Variants in THOP1 observed in about 807,000 individuals in gnomAD.
THOP1 encodes thimet oligopeptidase 1.
A neutral mutation model predicts 71.8 loss-of-function variants in THOP1; 49 were observed. That is an observed-to-expected ratio of 0.68 (90% CI 0.54 to 0.87). THOP1 has a LOEUF of 0.87. Ranked by LOEUF, THOP1 falls within the 40% of genes least tolerant of loss-of-function variation. The pLI is 0.00. For missense variants in THOP1, 843 were observed against 975.6 expected, an observed-to-expected ratio of 0.86 and a Z score of 1.81; for synonymous variants, 426 against 421.5, an observed-to-expected ratio of 1.01 and a Z score of -0.13.
intron 12 of THOP1, among the ~76,000 whole-genome samples, chr19:2,812,635 C>T (rs574881733): frequency 2.8e-4 from 43 of 152,288 alleles, no homozygotes; most frequent in African/African-American, 9.9e-4. Context: ...GCCTGCAGTC[C>T]GCGCAGGCTC....
rs1484336598 is a variant in THOP1 at position 2,805,090 on chromosome 19, C to A, written c.664C>A (p.Pro222Thr). ...DGKLKVTLKY[P>T]HYFPLLKKCH... ...CAAGTTGAAGGTCACCCTCAAGTAC[C>A]CCCATTACTTCCCCCTCCTGAAGAA... is the stretch of plus-strand genomic sequence containing the variant. The change falls in exon 6 of 13, where the codon CCC (proline) becomes ACC (threonine). Residue 222 changes from proline to threonine, a missense_variant. Coordinates refer to ENST00000307741, the MANE Select transcript of THOP1 (RefSeq NM_003249.5). This position sits in a 1 kb window ranked among gnomAD's most constrained non-coding sequence, Gnocchi z 6.6. 2.5e-6 allele frequency: 4 copies of A among 1,612,960 alleles called. 1 individual carries two copies. In the Admixed American group the frequency reaches 6.7e-5, roughly 27 times the overall value.
At chr19:2,808,468 C>A (rs1213167069) in intron 9 of THOP1, 24 bp downstream of exon 9, 1 of 1,526,148 alleles carries the variant, frequency 6.6e-7, no homozygotes, top group East Asian at 2.4e-5. Flanking sequence ...CGGGCAGGGG[C>A]AGGGGCAGGG....
At chr19:2,812,733 A>G (rs1916511430) in intron 12 of THOP1, among the ~76,000 whole-genome samples, 1 of 152,208 alleles carries the variant, frequency 6.6e-6, no homozygotes, top group South Asian at 2.1e-4. Context: ...GTAGTCCCGC[A>G]GTCACAGGGC....
rs889985180 is a variant in THOP1 at position 2,813,555 on chromosome 19, C to G, written c.*279C>G. ...CTGGGAAACGTCCCTTGTCAGGAGA[C>G]GGCTCTTCTTTGAAATGAGGTCATT... On this transcript the variant is annotated 3_prime_UTR_variant, in exon 13 of 13. Transcript: ENST00000307741. 2.4e-5 allele frequency: 10 copies of G among 418,780 alleles called. No homozygotes were observed. The highest frequency in any genetic ancestry group is 3.4e-5 in the Non-Finnish European group (8 of 234,120). 25.9% of individuals were successfully genotyped at this position (418,780 alleles called of 1,614,324 possible). A position where few individuals can be genotyped will look rare whatever the true frequency, so the allele number is the denominator to read the frequency against.
At position 2,785,534 on chromosome 19, in the gene THOP1, C is replaced by G. The variant is rs995805663; in HGVS notation, c.-129C>G. 5 of 1,143,876 alleles carry G rather than the reference C, an allele frequency of 4.4e-6. No individual in the cohort carries two copies. In the African/African-American group the frequency reaches 6.5e-5, roughly 15 times the overall value. The allele number at this position is 1,143,876 out of a possible 1,614,324, so 70.9% of individuals were successfully genotyped here. A position where few individuals can be genotyped will look rare whatever the true frequency, so the allele number is the denominator to read the frequency against. ...CCCCGGGAGCGCGGGCGGCGGGCCC[C>G]TTGGTCCTCAGGCGGCCGTGGCGGC... On this transcript the variant is annotated 5_prime_UTR_variant, in exon 1 of 13. Transcript: ENST00000307741.
rs558939289 is a variant in THOP1 at position 2,792,916 on chromosome 19, C to T, written c.230-1848C>T. On this transcript the variant is annotated intron_variant, in intron 2 of 12. Transcript: ENST00000307741. Reference sequence around the variant, plus strand: ...CTTCAGGCTGGGTGGCGGCTCACACCTGTCATCCCAGCACTTTGGGAGGCC... The same window carrying T: ...CTTCAGGCTGGGTGGCGGCTCACACTTGTCATCCCAGCACTTTGGGAGGCC... Among the ~76,000 whole-genome samples the T allele has an allele frequency of 4.3e-3, 655 of 152,258 alleles. 6 individuals carry two copies. Among genetic ancestry groups the T allele is most frequent in the South Asian group, 0.03 (144 of 4,820 alleles).
At chr19:2,800,645 C>T (rs899120219) in intron 5 of THOP1, among the ~76,000 whole-genome samples, 2 of 152,260 alleles carry the variant, frequency 1.3e-5, no homozygotes, top group African/African-American at 4.8e-5. Context: ...TGAGGGAACA[C>T]TCGCAGGTCG....
At position 2,804,963 on chromosome 19, in the gene THOP1, C is replaced by A; in HGVS notation, c.590-53C>A. 1 of 1,554,294 alleles carries A rather than the reference C, an allele frequency of 6.4e-7. No individual in the cohort carries two copies. Among genetic ancestry groups the A allele is most frequent in the South Asian group, 1.2e-5 (1 of 83,308 alleles). ...CACCCCTTCCCTCACACGCTGTGTG[C>A]AGGCTGTGGGCCCATCAGTCCTGTC... On this transcript the variant is annotated intron_variant, in intron 5 of 12. Coordinates refer to ENST00000307741, the MANE Select transcript of THOP1 (RefSeq NM_003249.5). The surrounding 1 kb of genome is among the most constrained non-coding windows in gnomAD (Gnocchi z 4.7).
Position 2,811,991 on chromosome 19 carries a change from G to A in THOP1, c.1908+257G>A, listed in dbSNP as rs749348504. The A allele has an allele frequency of 2.9e-6, 3 of 1,044,076 alleles. No homozygotes were observed. The South Asian group carries it at 5.2e-5, about 18-fold the overall frequency. The allele number at this position is 1,044,076 out of a possible 1,614,324, so 64.7% of individuals were successfully genotyped here. ...GGCCGAGGCACCTGCTGGTCTTGGT[G>A]CGGTGCTGCCCACAGCTCCTCCCTG... On this transcript the variant is annotated intron_variant, in intron 12 of 12. Coordinates refer to ENST00000307741, the MANE Select transcript of THOP1 (RefSeq NM_003249.5).
intron 5 of THOP1, among the ~76,000 whole-genome samples, chr19:2,800,836 A>T (rs73522791): frequency 0.027 from 4,032 of 151,986 alleles, 154 homozygotes; most frequent in African/African-American, 0.091. Flanking sequence ...GCAGCCACCC[A>T]CGCCATCCCG....
chr19:2,799,744 A>G lies in THOP1; in HGVS notation c.542A>G (p.Asn181Ser), dbSNP rs1168006377. ...LSLLCIDFNK[N>S]LNEDTTFLPF... The stretch of plus-strand genomic sequence containing the variant: ...CTTCTGTGCATCGACTTCAACAAGA[A>G]CCTGAACGAGGACACGACCTTCCTG... The change falls in exon 5 of 13, where the codon AAC becomes AGC. Residue 181 changes from asparagine to serine, a missense_variant. Physicochemically the swap from Asn to Ser is conservative, Grantham distance 46. Coordinates refer to ENST00000307741, the MANE Select transcript of THOP1 (RefSeq NM_003249.5). 1 of 1,614,028 alleles carries G rather than the reference A, an allele frequency of 6.2e-7. No individual in the cohort carries two copies. The highest frequency in any genetic ancestry group is 1.1e-5 in the South Asian group (1 of 91,084).
chr19:2,792,295 A>G (rs1037959202), intron 2 of THOP1, among the ~76,000 whole-genome samples: 2 of 152,058 alleles, frequency 1.3e-5, no homozygotes, highest in Non-Finnish European at 2.9e-5. Context: ...TAGTGTGATC[A>G]TGGCTCACTG....
intron 12 of THOP1, 56 bp downstream of exon 12, chr19:2,811,790 T>TGTCCTGAATGGCAAGGTACGCGGGGACC (rs1916476421): frequency 1.3e-6 from 1 of 783,308 alleles, no homozygotes; most frequent in African/African-American, 3.6e-5. Context: ...ACGCGGGGAC[T>TGTCCTGAATGGCAAGGTACGCGGGGACC]GGGGACAGGG....
rs141520907 is a variant in THOP1 at position 2,794,850 on chromosome 19, T to C, written c.316T>C (p.Ser106Pro). Reference protein sequence around the residue: ...TASTEADKKLSEFDVEMSMRE... With the variant: ...TASTEADKKLPEFDVEMSMRE... ...CAGCACAGAGGCCGACAAGAAGCTC[T>C]CTGAGTTCGACGTGGAGATGAGCAT... Residue 106 changes from serine to proline, a missense_variant, in exon 3 of 13, where the codon TCT becomes CCT. Physicochemically the swap from Ser to Pro is moderately conservative, Grantham distance 74. Coordinates refer to ENST00000307741, the MANE Select transcript of THOP1 (RefSeq NM_003249.5). 3 of 1,613,994 alleles carry C rather than the reference T, an allele frequency of 1.9e-6. No individual in the cohort carries two copies. Among genetic ancestry groups the C allele is most frequent in the Non-Finnish European group, 2.5e-6 (3 of 1,179,960 alleles).
In THOP1 at chr19:2,810,781, G is replaced by C. The variant is rs376756328; in HGVS notation, c.1771+13G>C. On this transcript the variant is annotated intron_variant, in intron 11 of 12. Transcript: ENST00000307741. ...CCGGCCACGCCAGGTAGCCACCCTT[G>C]AGCCGGGCACACCCTGGAATTTGGA... 1.9e-6 allele frequency: 3 copies of C among 1,598,646 alleles called. No individual in the cohort carries two copies. The African/African-American group carries it at 4.0e-5, about 21-fold the overall frequency.
intron 9 of THOP1, among the ~76,000 whole-genome samples, chr19:2,809,170 A>G (rs529071771): frequency 6.6e-6 from 1 of 152,156 alleles, no homozygotes; most frequent in East Asian, 1.9e-4. Flanking sequence ...TCATTCCAGA[A>G]CCTTACTGTG....
At chr19:2,787,007 G>C (rs1915761176) in intron 1 of THOP1, 2 of 151,838 alleles carry the variant, frequency 1.3e-5, no homozygotes, top group Non-Finnish European at 2.9e-5. Context: ...CACCCGCCTC[G>C]GCCTCCCAAA....
At chr19:2,790,970 C>T (rs1287709196) in intron 2 of THOP1, among the ~76,000 whole-genome samples, 1 of 152,240 alleles carries the variant, frequency 6.6e-6, no homozygotes, top group African/African-American at 2.4e-5. Flanking sequence ...GTCTAAACAG[C>T]ACGCCTCTCC....
In THOP1 at chr19:2,799,750, A is replaced by C; in HGVS notation, c.548A>C (p.Asn183Thr). The C allele has an allele frequency of 6.2e-7, 1 of 1,614,014 alleles. No homozygotes were observed. Among genetic ancestry groups the C allele is most frequent in the Non-Finnish European group, 8.5e-7 (1 of 1,179,992 alleles). The change falls in exon 5 of 13, where the codon AAC becomes ACC. Residue 183 changes from asparagine (N) to threonine (T), a missense_variant. Transcript: ENST00000307741. ...LLCIDFNKNL[N>T]EDTTFLPFTL... ...TGCATCGACTTCAACAAGAACCTGAACGAGGACACGACCTTCCTGCCCTTC... is the reference window on the plus strand; with the variant it reads ...TGCATCGACTTCAACAAGAACCTGACCGAGGACACGACCTTCCTGCCCTTC...
Sources: gnomAD v4.1 joint callset for allele counts (sites outside exome capture counted in the v4.1 genomes callset) on GRCh38, gnomAD v4.1.1 for gene constraint, Gnocchi (gnomAD v3.1) non-coding constraint, MANE v1.5 for transcripts, NCBI Gene and HGNC (gene_info 2026-07-23, HGNC 2026-07-21) for gene names.